Variants in BIRC6 observed in about 807,000 individuals in gnomAD.
BIRC6 encodes baculoviral IAP repeat containing 6.
In BIRC6, 98 loss-of-function variants were observed where a neutral mutation model predicts 503.3. That is an observed-to-expected ratio of 0.19 (90% CI 0.17 to 0.23). The LOEUF is 0.23. BIRC6 is among the 10% of genes least tolerant of loss of function. BIRC6 has a pLI of 1.00. For synonymous variants in BIRC6, 2,240 were observed against 2,078.7 expected (o/e 1.08, Z -2.11); for missense variants, 5,360 against 5,806.0 (o/e 0.92, Z 2.50).
At chr2:32,429,916 A>G (rs565167217) in intron 11 of BIRC6, among the ~76,000 whole-genome samples, 1 of 152,296 alleles carries the variant, frequency 6.6e-6, no homozygotes, top group Admixed American at 6.5e-5. Flanking sequence ...GAATATTCTC[A>G]TATTTTATAG....
chr2:32,420,169 A>T (rs187432793), intron 10 of BIRC6, among the ~76,000 whole-genome samples: 175 of 152,016 alleles, frequency 1.2e-3, no homozygotes, highest in African/African-American at 3.7e-3. Flanking sequence ...TTTCTTTTTT[A>T]GTTTTTGCTT....
chr2:32,535,342 G>A (rs148355379), intron 61 of BIRC6, among the ~76,000 whole-genome samples: 151 of 152,196 alleles, frequency 9.9e-4, no homozygotes, highest in African/African-American at 3.2e-3. Context: ...TAGGGTACAT[G>A]TGCACAACGT....
intron 10 of BIRC6, among the ~76,000 whole-genome samples, chr2:32,422,218 G>A (rs761687723): frequency 1.3e-4 from 20 of 152,134 alleles, no homozygotes; most frequent in Non-Finnish European, 2.8e-4. Context: ...ATTAGGTCTT[G>A]CTTTTTTATA....
At chr2:32,604,077 T>C (rs1326984992) in intron 71 of BIRC6, among the ~76,000 whole-genome samples, 1 of 152,104 alleles carries the variant, frequency 6.6e-6, no homozygotes, top group African/African-American at 2.4e-5. Context: ...CTAATATATT[T>C]ATAGAAATTA....
chr2:32,477,349 T>C lies in BIRC6; in HGVS notation c.6853-19T>C. On this transcript the variant is annotated intron_variant, in intron 34 of 73. Transcript: ENST00000421745. ...ATTAAGTAAACATTGATTTAAACAC[T>C]ATACATTTTTGTGTGCAGCACTTTA... 1 of 1,609,724 alleles carries C rather than the reference T, an allele frequency of 6.2e-7. No individual in the cohort carries two copies. The highest frequency in any genetic ancestry group is 8.5e-7 in the Non-Finnish European group (1 of 1,177,546).
At chr2:32,464,964 TAA>T in intron 25 of BIRC6, 99 bp from the exon 26 acceptor site, 2 of 1,318,728 alleles carry the variant, frequency 1.5e-6, no homozygotes, top group African/African-American at 1.5e-5. Flanking sequence ...GTACATACAT[TAA>T]GAGAAGAAAC....
At chr2:32,470,834 C>G (rs2049019980) in intron 31 of BIRC6, among the ~76,000 whole-genome samples, 180 bp from the exon 32 acceptor site, 1 of 152,120 alleles carries the variant, frequency 6.6e-6, no homozygotes, top group African/African-American at 2.4e-5. Context: ...ATTTGATGTT[C>G]TACTCAGTTT....
chr2:32,594,185 A>G lies in BIRC6; in HGVS notation c.13501+125A>G, dbSNP rs1004516424. ...TTTAAAGCAAGTTCATTTACCTAAA[A>G]ATTTTGTTCTCTGTTAGATTTTGTT... On this transcript the variant is annotated intron_variant, in intron 67 of 73. Coordinates refer to ENST00000421745, the MANE Select transcript of BIRC6 (RefSeq NM_016252.4). The G allele has an allele frequency of 5.5e-5, 61 of 1,107,996 alleles. No homozygotes were observed. The East Asian group carries it at 1.6e-3, about 28-fold the overall frequency. 68.6% of individuals were successfully genotyped at this position (1,107,996 alleles called of 1,614,324 possible).
chr2:32,447,386 TC>T (rs1348785380), intron 21 of BIRC6, among the ~76,000 whole-genome samples: 2 of 122,218 alleles, frequency 1.6e-5, no homozygotes, highest in African/African-American at 3.2e-5. Flanking sequence ...GGGGGGCTGA[TC>T]CCCCCACCTC....
At chr2:32,573,435 A>G (rs149140626) in intron 65 of BIRC6, among the ~76,000 whole-genome samples, 260 of 152,236 alleles carry the variant, frequency 1.7e-3, no homozygotes, top group African/African-American at 6.0e-3. Flanking sequence ...ACCCCCGGTG[A>G]TCCATCAGCC....
At chr2:32,477,020 A>G (rs2049841406) in intron 34 of BIRC6, among the ~76,000 whole-genome samples, 1 of 152,152 alleles carries the variant, frequency 6.6e-6, no homozygotes. Context: ...ATGTTATATT[A>G]GTTTTCTTTA....
intron 3 of BIRC6, among the ~76,000 whole-genome samples, chr2:32,387,301 C>CTTTTT (rs1281320241): frequency 8.1e-6 from 1 of 123,450 alleles, no homozygotes; most frequent in South Asian, 2.6e-4. Flanking sequence ...CATTCTCCCT[C>CTTTTT]TTTTTTTTTT....
chr2:32,606,685 GT>G (rs974240187), intron 71 of BIRC6, among the ~76,000 whole-genome samples: 3 of 152,076 alleles, frequency 2.0e-5, no homozygotes, highest in African/African-American at 7.2e-5. Flanking sequence ...CTCAGGCATA[GT>G]TTTTTTATAA....
rs2042300557 is a variant in BIRC6 at position 32,415,579 on chromosome 2, T to C, written c.2288T>C (p.Val763Ala). Residue 763 changes from valine to alanine, a missense_variant, in exon 10 of 74, where the codon GTA becomes GCA. Transcript: ENST00000421745. ...PVESLSAINQ[V>A]EALNNLNKLN... Reference sequence around the variant, plus strand: ...GAATCCTTGAGTGCAATAAATCAAGTAGAGGCCTTGAATAATTTAAATAAA... The same window carrying C: ...GAATCCTTGAGTGCAATAAATCAAGCAGAGGCCTTGAATAATTTAAATAAA... 1 of 1,613,914 alleles carries C rather than the reference T, an allele frequency of 6.2e-7. No homozygotes were observed. The highest frequency in any genetic ancestry group is 8.5e-7 in the Non-Finnish European group (1 of 1,179,822).
Position 32,414,759 on chromosome 2 carries a change from C to T in BIRC6, c.1478-10C>T. Reference sequence around the variant, plus strand: ...GAAACATATCTAATGAATATTGTTCCTTTTTAAAGGGCATACATCACAGAA... The same window carrying T: ...GAAACATATCTAATGAATATTGTTCTTTTTTAAAGGGCATACATCACAGAA... On this transcript the variant is annotated splice_polypyrimidine_tract_variant and intron_variant, in intron 9 of 73. Transcript: ENST00000421745. 6.3e-7 allele frequency: 1 copy of T among 1,599,596 alleles called. No homozygotes were observed. The highest frequency in any genetic ancestry group is 8.5e-7 in the Non-Finnish European group (1 of 1,171,220).
intron 66 of BIRC6, among the ~76,000 whole-genome samples, chr2:32,581,284 A>G (rs1490838393): frequency 6.6e-6 from 1 of 152,176 alleles, no homozygotes; most frequent in Non-Finnish European, 1.5e-5. Flanking sequence ...TTTGTGTCCT[A>G]TCTACCCAAA....
chr2:32,549,762 C>G (rs1051568539), intron 65 of BIRC6, among the ~76,000 whole-genome samples: 2 of 152,096 alleles, frequency 1.3e-5, no homozygotes, highest in African/African-American at 4.8e-5. Context: ...AATGATAGGA[C>G]AAAGGCTAAC....
intron 23 of BIRC6, 49 bp downstream of exon 23, chr2:32,453,991 A>AT (rs1199957594): frequency 7.4e-7 from 1 of 1,354,812 alleles, no homozygotes; most frequent in Non-Finnish European, 1.0e-6. Flanking sequence ...TTATGCAGTA[A>AT]TAAAGTGATA....
chr2:32,617,061 C>T (rs887945097), intron 73 of BIRC6, among the ~76,000 whole-genome samples: 4 of 152,138 alleles, frequency 2.6e-5, no homozygotes, highest in Admixed American at 1.3e-4. Flanking sequence ...TGCCGCTGCT[C>T]TCCAGCCTGG....
Sources: allele counts gnomAD v4.1 joint callset (sites outside exome capture counted in the v4.1 genomes callset), GRCh38; gene constraint gnomAD v4.1.1; transcripts MANE v1.5; gene names NCBI Gene and HGNC (gene_info 2026-07-23, HGNC 2026-07-21).